The following DSCAML1 variants were observed in gnomAD, a reference collection of about 807,000 sequenced individuals.
DSCAML1 encodes cell adhesion molecule DSCAML1.
Under a neutral mutation model 200.5 loss-of-function variants are expected in DSCAML1, and 38 were observed. The observed-to-expected ratio is 0.19, with a 90% confidence interval of 0.15 to 0.25. The LOEUF (loss-of-function observed/expected upper bound fraction) is 0.25, where lower values mean the gene tolerates loss of function less well. Among genes scored for constraint, DSCAML1 ranks in the 10% least tolerant of loss-of-function variants. The probability of loss-of-function intolerance (pLI) is 1.00; values close to 1 mark genes in which losing one functional copy is unlikely to be tolerated. For synonymous variants in DSCAML1, 1,215 were observed against 1,165.0 expected (o/e 1.04, Z -0.87); for missense variants, 2,223 against 2,858.8 (o/e 0.78, Z 5.07).
In DSCAML1 at chr11:117,683,235, G is replaced by T. The variant is rs139885909; in HGVS notation, c.511+93556C>A. Reference sequence around the variant, plus strand: ...TGGGATGAGGGATGAGGTCTGAAAAGAGGGAGTGCCAACAACTGAGCGATA... The same window carrying T: ...TGGGATGAGGGATGAGGTCTGAAAATAGGGAGTGCCAACAACTGAGCGATA... On this transcript the variant is annotated intron_variant, in intron 3 of 32. Transcript: ENST00000651296. Among the ~76,000 whole-genome samples, 27 of 152,350 alleles carry T rather than the reference G, an allele frequency of 1.8e-4. 1 individual carries two copies. The highest frequency in any genetic ancestry group is 5.8e-4 in the African/African-American group (24 of 41,574).
chr11:117,546,400 T>C (rs1166107298), intron 3 of DSCAML1, among the ~76,000 whole-genome samples: 21 of 152,326 alleles, frequency 1.4e-4, no homozygotes, highest in Non-Finnish European at 1.5e-4. Context: ...TAACAGGTGA[T>C]CAGCAAGTGT....
chr11:117,651,353 A>C lies in DSCAML1; in HGVS notation c.512-118831T>G, dbSNP rs529752156. On this transcript the variant is annotated intron_variant, in intron 3 of 32. Transcript: ENST00000651296. ...TCCAACAGGCTGTGCTCCACAGTGC[A>C]CTGATGGGCTCTGCTCAGCTCCTGA... is the stretch of plus-strand genomic sequence containing the variant. Among the ~76,000 whole-genome samples the C allele has an allele frequency of 6.6e-5, 10 of 152,338 alleles. No individual in the cohort carries two copies. In the East Asian group the frequency reaches 1.9e-3, roughly 29 times the overall value.
intron 1 of DSCAML1, among the ~76,000 whole-genome samples, chr11:117,783,565 T>C (rs915823068): frequency 3.3e-5 from 5 of 152,224 alleles, no homozygotes; most frequent in African/African-American, 1.2e-4. Context: ...ACAGATATTA[T>C]ATTTAATCTT....
rs974338539 is a variant in DSCAML1, at chr11:117,529,142, G to A, written c.658+3234C>T. ...CTGGAGTGCAGTGGCATGATCTCGC[G>A]TTCTCGGTTCACTGCAACCTCTGCC... On this transcript the variant is annotated intron_variant, in intron 4 of 32. Transcript: ENST00000651296. Among the ~76,000 whole-genome samples the A allele has an allele frequency of 2.6e-5, 4 of 151,998 alleles. 1 individual carries two copies. The highest frequency in any genetic ancestry group is 2.1e-4 in the South Asian group (1 of 4,814).
At chr11:117,629,778 T>C (rs955072586) in intron 3 of DSCAML1, among the ~76,000 whole-genome samples, 2 of 152,090 alleles carry the variant, frequency 1.3e-5, no homozygotes, top group African/African-American at 4.8e-5. Flanking sequence ...GGAAGGAGTG[T>C]GTAAGGCCAG....
In DSCAML1 at chr11:117,517,637, T is replaced by C. The variant is rs538149916; in HGVS notation, c.1510+829A>G. ...CAAATTCAACATGAAACTCCACCTT[T>C]GCTCCTTTTCCTACCCCCACGGCAA... is the stretch of plus-strand genomic sequence containing the variant. On this transcript the variant is annotated intron_variant, in intron 7 of 32. Transcript: ENST00000651296. Among the ~76,000 whole-genome samples, 6 of 152,336 alleles carry C rather than the reference T, an allele frequency of 3.9e-5. No homozygotes were observed. The East Asian group carries it at 7.7e-4, about 20-fold the overall frequency.
chr11:117,546,309 C>T (rs1271724295), intron 3 of DSCAML1, among the ~76,000 whole-genome samples: 1 of 152,228 alleles, frequency 6.6e-6, no homozygotes, highest in Admixed American at 6.5e-5. Context: ...GATGACGCCA[C>T]GTGAGCCACT....
intron 3 of DSCAML1, among the ~76,000 whole-genome samples, chr11:117,743,666 T>C (rs558038829): frequency 2.0e-5 from 3 of 152,326 alleles, no homozygotes; most frequent in Non-Finnish European, 4.4e-5. Flanking sequence ...TCACTCAGTC[T>C]CTCAGGCCAC....
rs73592172 is a variant in DSCAML1, at chr11:117,431,484, T to C, written c.5374+50A>G. ...AAGAATAGAAGGTGAAGGTGAATGATGGGGAACTGGGGGGAGGTGTTCAGG... is the reference window on the plus strand; with the variant it reads ...AAGAATAGAAGGTGAAGGTGAATGACGGGGAACTGGGGGGAGGTGTTCAGG... On this transcript the variant is annotated intron_variant, in intron 31 of 32. Coordinates refer to ENST00000651296, the MANE Select transcript of DSCAML1 (RefSeq NM_020693.4). The C allele has an allele frequency of 3.5e-3, 5,059 of 1,463,322 alleles. 131 individuals carry two copies. The African/African-American group carries it at 0.055, about 16-fold the overall frequency. 90.6% of individuals were successfully genotyped at this position (1,463,322 alleles called of 1,614,324 possible). A position where few individuals can be genotyped will look rare whatever the true frequency, so the allele number is the denominator to read the frequency against.
chr11:117,492,863 G>A (rs560236114), intron 11 of DSCAML1, among the ~76,000 whole-genome samples: 6 of 152,328 alleles, frequency 3.9e-5, no homozygotes, highest in Admixed American at 1.3e-4. Flanking sequence ...AAGAGCCAGG[G>A]CCATGGCGTT....
intron 3 of DSCAML1, among the ~76,000 whole-genome samples, chr11:117,772,620 T>C (rs1384103515): frequency 6.6e-6 from 1 of 152,198 alleles, no homozygotes; most frequent in Non-Finnish European, 1.5e-5. Flanking sequence ...GGGCCCACAT[T>C]GATATAATCA....
chr11:117,551,136 C>T (rs1446954416), intron 3 of DSCAML1, among the ~76,000 whole-genome samples: 1 of 152,186 alleles, frequency 6.6e-6, no homozygotes, highest in Non-Finnish European at 1.5e-5. Flanking sequence ...CATAAAGTTT[C>T]CTCTGCATTA....
intron 3 of DSCAML1, among the ~76,000 whole-genome samples, chr11:117,617,670 A>G (rs2051836139): frequency 6.9e-6 from 1 of 144,948 alleles, no homozygotes; most frequent in Admixed American, 7.3e-5. Flanking sequence ...AAGACAACAC[A>G]CAGGTACACG....
chr11:117,585,882 A>G (rs2137471229), intron 3 of DSCAML1, among the ~76,000 whole-genome samples: 1 of 152,308 alleles, frequency 6.6e-6, no homozygotes, highest in East Asian at 1.9e-4. Context: ...ATGCTCTCAC[A>G]GTATTTTTGT....
chr11:117,759,522 T>C (rs927899458), intron 3 of DSCAML1, among the ~76,000 whole-genome samples: 4 of 152,152 alleles, frequency 2.6e-5, no homozygotes, highest in African/African-American at 9.7e-5. Context: ...CTATTGGCTA[T>C]GACCTCGACT....
chr11:117,667,532 G>C (rs1336059111), intron 3 of DSCAML1, among the ~76,000 whole-genome samples: 2 of 152,200 alleles, frequency 1.3e-5, no homozygotes, highest in Non-Finnish European at 2.9e-5. Flanking sequence ...ATCTCCTTGG[G>C]CACTGAAGAG....
At position 117,780,808 on chromosome 11, in the gene DSCAML1, G is replaced by A. The variant is rs752029392; in HGVS notation, c.49C>T (p.Arg17Cys). Residue 17 changes from arginine to cysteine, a missense_variant and splice_region_variant, in exon 2 of 33, where the codon CGC becomes TGC. Arg to Cys is a radical substitution (Grantham distance 180, BLOSUM62 -3). Coordinates refer to ENST00000651296, the MANE Select transcript of DSCAML1 (RefSeq NM_020693.4). The surrounding 1 kb of genome is among the most constrained non-coding windows in gnomAD (Gnocchi z 4.8). ...AGGCTGGTGCCAACATCTTCAGGGC[G>A]GGCTGCAGGAGAGGCAAGGGGAGAG... ...LLLLDSLHKA[R>C]PEDVGTSLYF... The A allele has an allele frequency of 1.2e-5, 18 of 1,442,000 alleles. 1 individual carries two copies. The South Asian group carries it at 1.3e-4, about 11-fold the overall frequency. 89.3% of individuals were successfully genotyped at this position (1,442,000 alleles called of 1,614,324 possible).
chr11:117,689,697 G>T (rs1484594620), intron 3 of DSCAML1, among the ~76,000 whole-genome samples: 3 of 152,168 alleles, frequency 2.0e-5, no homozygotes, highest in Admixed American at 2.0e-4. Flanking sequence ...ACCCAAGGGG[G>T]TCCCACACCC....
intron 3 of DSCAML1, among the ~76,000 whole-genome samples, chr11:117,614,821 G>A (rs1167585876): frequency 6.6e-6 from 1 of 152,202 alleles, no homozygotes; most frequent in African/African-American, 2.4e-5. Context: ...CTCATTTCTT[G>A]AATGGAGGGA....
Sources: gnomAD v4.1 joint callset for allele counts (sites outside exome capture counted in the v4.1 genomes callset) on GRCh38, gnomAD v4.1.1 for gene constraint, Gnocchi (gnomAD v3.1) non-coding constraint, MANE v1.5 for transcripts, NCBI Gene and HGNC (gene_info 2026-07-23, HGNC 2026-07-21) for gene names.